Variants in CSGALNACT1 observed in about 807,000 individuals in gnomAD.
CSGALNACT1 encodes the protein chondroitin sulfate N-acetylgalactosaminyltransferase 1, also known as beta4GalNAcT-1.
A neutral mutation model predicts 51.0 loss-of-function variants in CSGALNACT1; 52 were observed. The observed-to-expected ratio is 1.02, with a 90% confidence interval of 0.82 to 1.29. The LOEUF is 1.29. CSGALNACT1 is among the 50% of genes most tolerant of loss of function. The pLI, the probability that CSGALNACT1 is intolerant of heterozygous loss-of-function variation, is 0.00. For synonymous variants in CSGALNACT1, 341 were observed against 254.4 expected, an observed-to-expected ratio of 1.34 and a Z score of -3.24; for missense variants, 935 against 679.2, an observed-to-expected ratio of 1.38 and a Z score of -4.19.
intron 9 of CSGALNACT1, among the ~76,000 whole-genome samples, chr8:19,407,906 TGTGTG>T (rs1238988101): frequency 1.6e-3 from 72 of 45,638 alleles, no homozygotes; most frequent in African/African-American, 7.0e-3. Context: ...GTATATGAAT[TGTGTG>T]TGTGTGTGTG....
rs115996560 is a variant in CSGALNACT1, at chr8:19,556,869, C to T, written c.-297+34291G>A. ...TCCAGATGTAAACTAAAATTGAACC[C>T]GGTGTAGACATTTAAAGTAAATCAG... On this transcript the variant is annotated intron_variant, in intron 3 of 9. Transcript: ENST00000454498. Among the ~76,000 whole-genome samples the T allele has an allele frequency of 1.1e-4, 16 of 151,640 alleles. No individual in the cohort carries two copies. The East Asian group carries it at 1.6e-3, about 15-fold the overall frequency.
chr8:19,586,832 C>T (rs1200638501), intron 3 of CSGALNACT1, among the ~76,000 whole-genome samples: 1 of 152,162 alleles, frequency 6.6e-6, no homozygotes, highest in East Asian at 1.9e-4. Flanking sequence ...CTCCCAGAAT[C>T]GTCCTAGGCT....
At chr8:19,607,836 T>C (rs570763441) in intron 1 of CSGALNACT1, among the ~76,000 whole-genome samples, 1 of 152,372 alleles carries the variant, frequency 6.6e-6, no homozygotes, top group Admixed American at 6.5e-5. Flanking sequence ...GGATGATCTT[T>C]ATCTGTTGTC....
intron 1 of CSGALNACT1, among the ~76,000 whole-genome samples, chr8:19,638,118 T>A (rs1387004947): frequency 4.1e-5 from 6 of 147,224 alleles, no homozygotes; most frequent in Non-Finnish European, 9.1e-5. Context: ...CTGTCTAAAA[T>A]AAGCTAGGAG....
intron 4 of CSGALNACT1, among the ~76,000 whole-genome samples, chr8:19,478,901 T>C: frequency 6.6e-6 from 1 of 152,196 alleles, no homozygotes; most frequent in Non-Finnish European, 1.5e-5. Flanking sequence ...AGGGATCTTG[T>C]CATGTCATTT....
At chr8:19,450,314 G>A (rs1197354621) in intron 5 of CSGALNACT1, among the ~76,000 whole-genome samples, 2 of 151,216 alleles carry the variant, frequency 1.3e-5, no homozygotes, top group Admixed American at 6.6e-5. Flanking sequence ...GGAATAGGAG[G>A]AGGAGGAGGA....
At chr8:19,467,950 C>T (rs1344676183) in intron 4 of CSGALNACT1, among the ~76,000 whole-genome samples, 2 of 152,216 alleles carry the variant, frequency 1.3e-5, no homozygotes, top group Non-Finnish European at 2.9e-5. Context: ...TGCGCTGCTG[C>T]ACTCCAGCCT....
At chr8:19,679,869 AC>A (rs1453558688) in intron 1 of CSGALNACT1, among the ~76,000 whole-genome samples, 1 of 152,070 alleles carries the variant, frequency 6.6e-6, no homozygotes, top group African/African-American at 2.4e-5. Flanking sequence ...TCAATTTCCT[AC>A]CCTATAAAAG....
intron 3 of CSGALNACT1, among the ~76,000 whole-genome samples, chr8:19,514,621 G>C (rs1336149854): frequency 6.8e-6 from 1 of 148,040 alleles, no homozygotes; most frequent in Non-Finnish European, 1.5e-5. Flanking sequence ...AGGAGTTTGA[G>C]ACCAGACTGG....
chr8:19,745,233 C>T (rs942407655), intron 1 of CSGALNACT1, among the ~76,000 whole-genome samples: 2 of 152,112 alleles, frequency 1.3e-5, no homozygotes, highest in Admixed American at 1.3e-4. Flanking sequence ...TCCAGATTAC[C>T]AGAAGAAAAA....
At chr8:19,482,946 G>A (rs2071852491) in intron 4 of CSGALNACT1, among the ~76,000 whole-genome samples, 1 of 152,096 alleles carries the variant, frequency 6.6e-6, no homozygotes, top group Non-Finnish European at 1.5e-5. Context: ...AGCAGTGAGT[G>A]GCATTAGCAT....
At chr8:19,408,304 A>C (rs139685819) in intron 9 of CSGALNACT1, among the ~76,000 whole-genome samples, 3,921 of 152,070 alleles carry the variant, frequency 0.026, 84 homozygotes, top group Non-Finnish European at 0.039. Context: ...AGTCTATGAC[A>C]TCAGGAACAG....
At chr8:19,721,758 A>C (rs1353406782) in intron 1 of CSGALNACT1, among the ~76,000 whole-genome samples, 1 of 152,246 alleles carries the variant, frequency 6.6e-6, no homozygotes, top group Non-Finnish European at 1.5e-5. Context: ...GAACACATTT[A>C]TGCCTAATGA....
rs1159626193 is a variant in CSGALNACT1 at position 19,541,553 on chromosome 8, A to ATTT, written c.-296-35426_-296-35424dup. 1.8e-3 allele frequency among the ~76,000 whole-genome samples: 129 copies of ATTT among 70,090 alleles called. 17 individuals carry two copies. Among genetic ancestry groups the ATTT allele is most frequent in the African/African-American group, 4.5e-3 (66 of 14,786 alleles). 46.0% of individuals were successfully genotyped at this position (70,090 alleles called of 152,430 possible). A position where few individuals can be genotyped will look rare whatever the true frequency, so the allele number is the denominator to read the frequency against. On this transcript the variant is annotated intron_variant, in intron 3 of 9. Transcript: ENST00000454498. ...AGGTGTGAGCCACCGTGCTCAGCCA[A>ATTT]TTTTTTTTTTTTTTTTTTTTTTTTT...
intron 2 of CSGALNACT1, among the ~76,000 whole-genome samples, chr8:19,597,014 C>A (rs1305887026): frequency 6.6e-6 from 1 of 152,140 alleles, no homozygotes; most frequent in Non-Finnish European, 1.5e-5. Context: ...CCTCCCACAG[C>A]CCCTGACACC....
At chr8:19,406,029 A>G (rs536340909) in exon 10 of CSGALNACT1, 1 of 1,614,172 alleles carries the variant, frequency 6.2e-7, no homozygotes, top group African/African-American at 1.3e-5. Flanking sequence ...AAAGGTGCAC[A>G]TCCTCTCCGC....
At chr8:19,743,358 T>C (rs1241568970) in intron 1 of CSGALNACT1, among the ~76,000 whole-genome samples, 2 of 152,188 alleles carry the variant, frequency 1.3e-5, no homozygotes, top group Non-Finnish European at 2.9e-5. Flanking sequence ...TGTGTATGCC[T>C]GAGTGTGTGT....
At chr8:19,536,971 C>G (rs1334797184) in intron 3 of CSGALNACT1, among the ~76,000 whole-genome samples, 2 of 152,066 alleles carry the variant, frequency 1.3e-5, no homozygotes, top group Non-Finnish European at 2.9e-5. Flanking sequence ...ATCTGAGAAT[C>G]AAAAATAAAA....
chr8:19,602,873 G>A (rs915702276), upstream of CSGALNACT1: 8 of 151,954 alleles, frequency 5.3e-5, no homozygotes, highest in African/African-American at 1.9e-4. Flanking sequence ...TTCAATTAAC[G>A]AAGGCACAGT....
Sources: gnomAD v4.1 joint callset for allele counts (sites outside exome capture counted in the v4.1 genomes callset) on GRCh38, gnomAD v4.1.1 for gene constraint, MANE v1.5 for transcripts, NCBI Gene and HGNC (gene_info 2026-07-23, HGNC 2026-07-21) for gene names.